Variants in UBR3 observed in about 807,000 individuals in gnomAD.
UBR3 encodes E3 ubiquitin-protein ligase UBR3.
In UBR3, 85 loss-of-function variants were observed where a neutral mutation model predicts 243.2. The observed-to-expected ratio is 0.35, with a 90% CI of 0.29 to 0.42. UBR3 has a LOEUF of 0.42. Among genes scored for constraint, UBR3 ranks in the 10% least tolerant of loss-of-function variants. UBR3 has a pLI of 1.00. For synonymous variants in UBR3, 748 were observed against 799.8 expected (o/e 0.94, Z 1.09); for missense variants, 1,686 against 2,300.8 (o/e 0.73, Z 5.47).
Position 170,015,273 on chromosome 2 carries a change from A to G in UBR3, c.4368-8A>G. 2 of 1,607,150 alleles carry G rather than the reference A, an allele frequency of 1.2e-6. No homozygotes were observed. Among genetic ancestry groups the G allele is most frequent in the African/African-American group, 1.3e-5 (1 of 74,796 alleles). On this transcript the variant is annotated splice_polypyrimidine_tract_variant and splice_region_variant and intron_variant, in intron 29 of 38. Transcript: ENST00000272793. Reference sequence around the variant, plus strand: ...TTTAATGACTGAGATATAATGTTTTACTTACAGAACCAATTTAGAACTTGA... The same window carrying G: ...TTTAATGACTGAGATATAATGTTTTGCTTACAGAACCAATTTAGAACTTGA...
In UBR3 at chr2:169,834,200, C is replaced by T. The variant is rs376080574; in HGVS notation, c.545+6148C>T. ...TCTCTTCAGTAGCTTGCTTTTTTCC[C>T]CTTAACATATTTATGGATACTATCT... On this transcript the variant is annotated intron_variant, in intron 1 of 38. Transcript: ENST00000272793. 3.9e-4 allele frequency among the ~76,000 whole-genome samples: 60 copies of T among 152,208 alleles called. 1 individual carries two copies. The South Asian group carries it at 0.012, about 32-fold the overall frequency.
intron 30 of UBR3, among the ~76,000 whole-genome samples, chr2:170,019,898 C>G (rs1281322883): frequency 6.6e-6 from 1 of 152,068 alleles, no homozygotes; most frequent in African/African-American, 2.4e-5. Context: ...ACCTCAGCCT[C>G]CCGAGTAGCT....
intron 5 of UBR3, among the ~76,000 whole-genome samples, chr2:169,881,685 C>T (rs1308192483): frequency 3.3e-5 from 4 of 119,572 alleles, no homozygotes; most frequent in Non-Finnish European, 5.0e-5. Context: ...TATATATATA[C>T]ACATATATAC....
chr2:170,000,821 A>G (rs898389791), intron 26 of UBR3, among the ~76,000 whole-genome samples: 3 of 152,180 alleles, frequency 2.0e-5, no homozygotes, highest in Non-Finnish European at 4.4e-5. Flanking sequence ...TTGAAGGGGT[A>G]AGCAAAGAAA....
At position 169,896,680 on chromosome 2, in the gene UBR3, G is replaced by T; in HGVS notation, c.1410G>T (p.Met470Ile). ...VTEECQLLDI[M>I]VTVLLYMMES... ...AAGAATGTCAGCTGCTGGATATTAT[G>T]GTCACTGTGCTATTATACATGATGG... The change falls in exon 8 of 39, where the codon ATG (methionine) becomes ATT (isoleucine). Residue 470 changes from methionine to isoleucine, a missense_variant. This residue lies in a region of UBR3 where 346 missense variants were observed against 585.8 expected (regional missense o/e 0.59). Transcript: ENST00000272793. The T allele has an allele frequency of 6.4e-7, 1 of 1,551,104 alleles. No individual in the cohort carries two copies. Among genetic ancestry groups the T allele is most frequent in the Non-Finnish European group, 8.7e-7 (1 of 1,146,718 alleles).
chr2:169,912,247 A>G (rs2085282460), intron 10 of UBR3, among the ~76,000 whole-genome samples: 1 of 152,200 alleles, frequency 6.6e-6, no homozygotes, highest in South Asian at 2.1e-4. Context: ...CCATTTAACC[A>G]TTTTAAAGTG....
intron 24 of UBR3, 143 bp from the exon 25 acceptor site, chr2:169,986,502 G>A: frequency 4.7e-6 from 3 of 642,882 alleles, no homozygotes; most frequent in Non-Finnish European, 4.9e-6. Flanking sequence ...CTTGAGTAAG[G>A]TTATTTTTTC....
At position 169,835,452 on chromosome 2, in the gene UBR3, T is replaced by C. The variant is rs1574002207; in HGVS notation, c.545+7400T>C. ...AAAATATTCATATTTTGTTTGTTTG[T>C]TTGTTTTGATATGGAGTCTCACTCT... On this transcript the variant is annotated intron_variant, in intron 1 of 38. Transcript: ENST00000272793. Among the ~76,000 whole-genome samples, 3 of 152,198 alleles carry C rather than the reference T, an allele frequency of 2.0e-5. No homozygotes were observed. In the East Asian group the frequency reaches 5.8e-4, roughly 29 times the overall value.
At chr2:169,961,265 T>A (rs1401056006) in intron 24 of UBR3, among the ~76,000 whole-genome samples, 1 of 151,854 alleles carries the variant, frequency 6.6e-6, no homozygotes, top group Non-Finnish European at 1.5e-5. Flanking sequence ...CCTTTTGGGA[T>A]TGATAATAGA....
At chr2:169,900,566 G>A (rs953434722) in intron 8 of UBR3, among the ~76,000 whole-genome samples, 2 of 151,852 alleles carry the variant, frequency 1.3e-5, no homozygotes, top group East Asian at 1.9e-4. Flanking sequence ...CAGTCTTTGC[G>A]GCAAAATGGT....
At position 169,975,314 on chromosome 2, in the gene UBR3, A is replaced by G. The variant is rs184733397; in HGVS notation, c.3635-11331A>G. 1.2e-3 allele frequency among the ~76,000 whole-genome samples: 186 copies of G among 152,330 alleles called. 3 individuals are homozygous for G. The highest frequency in any genetic ancestry group is 3.1e-4 in the Non-Finnish European group (21 of 68,028). On this transcript the variant is annotated intron_variant, in intron 24 of 38. Transcript: ENST00000272793. ...CAGTTATATTCCATTGTGGTCAGAA[A>G]ATAAACTTGATCTGATTTAAATTCC...
chr2:169,874,224 A>G (rs1020231807), intron 2 of UBR3, among the ~76,000 whole-genome samples: 1 of 151,058 alleles, frequency 6.6e-6, no homozygotes, highest in South Asian at 2.1e-4. Flanking sequence ...GCTGGAGTGC[A>G]GTGGTGCGAT....
chr2:170,000,096 A>G (rs934923324), intron 26 of UBR3, among the ~76,000 whole-genome samples: 4 of 151,834 alleles, frequency 2.6e-5, no homozygotes, highest in African/African-American at 9.7e-5. Context: ...ATCGCACTCC[A>G]GCCTGGGCAA....
chr2:169,877,471 G>A, intron 3 of UBR3, 23 bp from the exon 4 acceptor site: 1 of 1,515,580 alleles, frequency 6.6e-7, no homozygotes, highest in Non-Finnish European at 8.8e-7. Flanking sequence ...ATTTTTTTCT[G>A]ATTTGAAGTT....
intron 33 of UBR3, among the ~76,000 whole-genome samples, chr2:170,055,896 TTATC>T (rs1408030068): frequency 6.6e-6 from 1 of 152,126 alleles, no homozygotes; most frequent in Admixed American, 6.5e-5. Context: ...ATCTGCAGAC[TTATC>T]TATTTTATTC....
intron 30 of UBR3, among the ~76,000 whole-genome samples, chr2:170,021,031 T>C (rs1422475679): frequency 6.6e-6 from 1 of 152,058 alleles, no homozygotes; most frequent in East Asian, 1.9e-4. Context: ...GGTGAGGAGT[T>C]TGGTAAGCCT....
chr2:169,989,869 G>C (rs2089197357), intron 25 of UBR3, among the ~76,000 whole-genome samples: 1 of 152,218 alleles, frequency 6.6e-6, no homozygotes, highest in African/African-American at 2.4e-5. Flanking sequence ...TTCACTGAGA[G>C]CTTATTCGAG....
At chr2:169,880,305 A>T (rs1313433772) in intron 5 of UBR3, among the ~76,000 whole-genome samples, 1 of 152,232 alleles carries the variant, frequency 6.6e-6, no homozygotes, top group Non-Finnish European at 1.5e-5. Context: ...TTAAGTTTAT[A>T]TTTATGTGGT....
chr2:169,900,124 G>A (rs186083417), intron 8 of UBR3, among the ~76,000 whole-genome samples: 1,726 of 152,286 alleles, frequency 0.011, 39 homozygotes, highest in African/African-American at 0.04. Context: ...CAGTGTAAAA[G>A]CGTTCCTATT....
Sources: gnomAD v4.1 joint callset for allele counts (sites outside exome capture counted in the v4.1 genomes callset) on GRCh38, gnomAD v4.1.1 for gene constraint, gnomAD v4.1.1 regional missense constraint, MANE v1.5 for transcripts, NCBI Gene and HGNC (gene_info 2026-07-23, HGNC 2026-07-21) for gene names.